The following FTO variants were observed in gnomAD, a reference collection of about 807,000 sequenced individuals.
FTO encodes alpha-ketoglutarate-dependent dioxygenase FTO.
A neutral mutation model predicts 63.9 loss-of-function variants in FTO; 47 were observed. The ratio of observed to expected loss-of-function variants is 0.74; its 90% CI spans 0.58 to 0.94. The LOEUF (loss-of-function observed/expected upper bound fraction) is 0.94. Among genes scored for constraint, FTO ranks in the 40% least tolerant of loss-of-function variants. The probability of loss-of-function intolerance (pLI) is 0.00; values close to 1 mark genes in which losing one functional copy is unlikely to be tolerated. For missense variants in FTO, 562 were observed against 618.1 expected (o/e 0.91, Z 0.96); for synonymous variants, 207 against 224.4 (o/e 0.92, Z 0.69).
intron 8 of FTO, among the ~76,000 whole-genome samples, chr16:54,003,508 C>T (rs1466299989): frequency 6.6e-6 from 1 of 152,106 alleles, no homozygotes; most frequent in Admixed American, 6.5e-5. Context: ...ATAGAGCTTT[C>T]CTTTTTTAAA....
intron 7 of FTO, among the ~76,000 whole-genome samples, chr16:53,894,105 G>T (rs1467872261): frequency 6.6e-6 from 1 of 152,206 alleles, no homozygotes; most frequent in African/African-American, 2.4e-5. Flanking sequence ...ATTTAATAAT[G>T]TAACCAGTTT....
At chr16:53,973,405 C>G (rs1451874914) in intron 8 of FTO, among the ~76,000 whole-genome samples, 1 of 152,188 alleles carries the variant, frequency 6.6e-6, no homozygotes, top group African/African-American at 2.4e-5. Flanking sequence ...ATACCACTTC[C>G]AAATCTGATT....
rs756591280 is a variant in FTO at position 54,086,081 on chromosome 16, AT to A, written c.1365-25673del. On this transcript the variant is annotated intron_variant, in intron 8 of 8. Coordinates refer to ENST00000471389, the MANE Select transcript of FTO (RefSeq NM_001080432.3). ...GCAGAGCACATTGAGCCTAATTCAGATTTTTTTTAAAGTGGAAAACAAATCA... is the reference window on the plus strand; with the variant it reads ...GCAGAGCACATTGAGCCTAATTCAGATTTTTTTAAAGTGGAAAACAAATCA... 3.9e-5 allele frequency among the ~76,000 whole-genome samples: 6 copies of A among 152,258 alleles called. No homozygotes were observed. In the East Asian group the frequency reaches 5.8e-4, roughly 15 times the overall value.
intron 4 of FTO, among the ~76,000 whole-genome samples, chr16:53,845,133 C>T (rs189108148): frequency 6.6e-5 from 10 of 152,090 alleles, no homozygotes; most frequent in Middle Eastern, 3.2e-3. Flanking sequence ...TTTTCTAATG[C>T]GCAATGTGTA....
chr16:53,858,152 A>T (rs1032773998), intron 4 of FTO, among the ~76,000 whole-genome samples: 2 of 152,172 alleles, frequency 1.3e-5, no homozygotes, highest in Non-Finnish European at 2.9e-5. Flanking sequence ...TAGTTTGCAA[A>T]TTCTCTACAA....
chr16:53,874,015 G>C (rs1346079655), intron 5 of FTO, 150 bp downstream of exon 5: 6 of 669,106 alleles, frequency 9.0e-6, no homozygotes, highest in Non-Finnish European at 1.6e-5. Context: ...TGCTTTTTGA[G>C]CTTTGGATTG....
chr16:53,827,473 A>C (rs751565133), intron 3 of FTO, among the ~76,000 whole-genome samples: 12 of 151,950 alleles, frequency 7.9e-5, no homozygotes, highest in South Asian at 2.1e-4. Flanking sequence ...CAGGGTCATT[A>C]TTTTCTGACA....
intron 1 of FTO, among the ~76,000 whole-genome samples, chr16:53,738,237 G>T (rs2076436666): frequency 6.6e-6 from 1 of 152,046 alleles, no homozygotes; most frequent in South Asian, 2.1e-4. Context: ...GGTCAGGCTG[G>T]TCTCGAACTC....
At position 53,716,403 on chromosome 16, in the gene FTO, T is replaced by C. The variant is rs543100029; in HGVS notation, c.45+12174T>C. On this transcript the variant is annotated intron_variant, in intron 1 of 8. Transcript: ENST00000471389. Reference sequence around the variant, plus strand: ...TAGAGTATAGTTTATGAGGAGAAACTGTAGCCTGTGGTGGTTAAGAACGTG... The same window carrying C: ...TAGAGTATAGTTTATGAGGAGAAACCGTAGCCTGTGGTGGTTAAGAACGTG... 3.9e-5 allele frequency among the ~76,000 whole-genome samples: 6 copies of C among 152,292 alleles called. No individual in the cohort carries two copies. In the South Asian group the frequency reaches 1.2e-3, roughly 32 times the overall value.
At chr16:53,926,530 A>G (rs1262028948) in intron 7 of FTO, among the ~76,000 whole-genome samples, 1 of 152,186 alleles carries the variant, frequency 6.6e-6, no homozygotes, top group African/African-American at 2.4e-5. Context: ...GAAGAGAAAA[A>G]TTTAAATGAA....
chr16:53,889,880 A>T (rs777218676), intron 7 of FTO, among the ~76,000 whole-genome samples: 1 of 152,172 alleles, frequency 6.6e-6, no homozygotes, highest in African/African-American at 2.4e-5. Flanking sequence ...ATTAAGTACC[A>T]GACATTATTC....
chr16:54,093,298 T>C (rs2086437672), intron 8 of FTO, among the ~76,000 whole-genome samples: 1 of 152,226 alleles, frequency 6.6e-6, no homozygotes, highest in African/African-American at 2.4e-5. Context: ...TCGCCCGAGC[T>C]AACCTATCAG....
At chr16:53,758,732 C>A (rs1043969538) in intron 1 of FTO, among the ~76,000 whole-genome samples, 4 of 151,926 alleles carry the variant, frequency 2.6e-5, no homozygotes, top group Non-Finnish European at 5.9e-5. Context: ...CCCAGAGGAA[C>A]AGGAAAATGT....
intron 8 of FTO, among the ~76,000 whole-genome samples, chr16:54,021,017 A>G (rs2084586553): frequency 6.6e-6 from 1 of 152,194 alleles, no homozygotes; most frequent in African/African-American, 2.4e-5. Context: ...CACCAAGAAT[A>G]ACTTGTACCA....
At chr16:53,816,056 C>T (rs932633146) in intron 2 of FTO, among the ~76,000 whole-genome samples, 1 of 152,136 alleles carries the variant, frequency 6.6e-6, no homozygotes, top group African/African-American at 2.4e-5. Context: ...TGGTTCCACC[C>T]TGACTCTGCT....
At chr16:54,078,009 G>A (rs1305319237) in intron 8 of FTO, among the ~76,000 whole-genome samples, 2 of 152,138 alleles carry the variant, frequency 1.3e-5, no homozygotes, top group African/African-American at 2.4e-5. Context: ...CCCCATCCAT[G>A]CTGGTGACAA....
At chr16:53,903,033 C>G (rs1422568936) in intron 7 of FTO, among the ~76,000 whole-genome samples, 1 of 152,142 alleles carries the variant, frequency 6.6e-6, no homozygotes, top group Non-Finnish European at 1.5e-5. Flanking sequence ...TCACTTGAGT[C>G]TAGGAGTTGG....
chr16:54,032,066 G>A (rs768248203), intron 8 of FTO, among the ~76,000 whole-genome samples: 6 of 152,180 alleles, frequency 3.9e-5, no homozygotes, highest in Admixed American at 2.0e-4. Context: ...AAAGGTTTCC[G>A]AGGCTAACAG....
Position 53,826,375 on chromosome 16 carries a change from T to C in FTO, c.635T>C (p.Met212Thr). ...TLLNFMDPQK[M>T]PYLKEEPYFG... ...CTGAATTTCATGGATCCTCAGAAAA[T>C]GCCATACCTGAAAGAGGAACCTTAT... is the stretch of plus-strand genomic sequence containing the variant. The change falls in exon 3 of 9, where the codon ATG (methionine) becomes ACG (threonine). Residue 212 changes from methionine (M) to threonine (T), a missense_variant. By Grantham distance (81) the Met-to-Thr change is moderately conservative. Coordinates refer to ENST00000471389, the MANE Select transcript of FTO (RefSeq NM_001080432.3). The C allele has an allele frequency of 4.3e-6, 7 of 1,614,054 alleles. No homozygotes were observed. Among genetic ancestry groups the C allele is most frequent in the Non-Finnish European group, 5.9e-6 (7 of 1,180,022 alleles).
Sources: gnomAD v4.1 joint callset for allele counts (sites outside exome capture counted in the v4.1 genomes callset) on GRCh38, gnomAD v4.1.1 for gene constraint, MANE v1.5 for transcripts, NCBI Gene and HGNC (gene_info 2026-07-23, HGNC 2026-07-21) for gene names.